Variants in DBX2 observed in about 807,000 individuals in gnomAD.
DBX2 encodes homeobox protein DBX2.
A neutral mutation model predicts 17.7 loss-of-function variants in DBX2; 16 were observed. That is an observed-to-expected ratio of 0.90 (90% CI 0.61 to 1.37). DBX2 has a LOEUF of 1.37. Among genes scored for constraint, DBX2 ranks in the 40% most tolerant of loss-of-function variants. The pLI, the probability that DBX2 is intolerant of heterozygous loss-of-function variation, is 0.00. For missense variants in DBX2, 538 were observed against 433.8 expected (o/e 1.24, Z -2.13); for synonymous variants, 255 against 183.8 (o/e 1.39, Z -3.13).
chr12:45,039,277 GTATATATATA>G (rs58371508), intron 1 of DBX2, among the ~76,000 whole-genome samples: 12,948 of 89,716 alleles, frequency 0.14, 744 homozygotes, highest in Middle Eastern at 0.26. Flanking sequence ...TGCATTGAAG[GTATATATATA>G]TATATATATA....
intron 3 of DBX2, among the ~76,000 whole-genome samples, chr12:45,022,308 T>TTG (rs1376113561): frequency 2.2e-5 from 3 of 138,790 alleles, no homozygotes; most frequent in East Asian, 2.1e-4. Context: ...GTTTTTTTTT[T>TTG]TTTTTTTTTT....
In DBX2 at chr12:45,036,084, G is replaced by A. The variant is rs1051730537; in HGVS notation, c.434C>T (p.Pro145Leu). 3 of 1,613,388 alleles carry A rather than the reference G, an allele frequency of 1.9e-6. No homozygotes were observed. Among genetic ancestry groups the A allele is most frequent in the Non-Finnish European group, 2.5e-6 (3 of 1,179,780 alleles). The stretch of plus-strand genomic sequence containing the variant: ...ACCGCAGCACGCCGAGTAGAATGGC[G>A]GGGTGCTCAGAAGGAAAGGTTTGGA... ...APSKPFLLST[P>L]PFYSACCGGS... Residue 145 changes from proline (P) to leucine (L), a missense_variant, in exon 2 of 4, where the codon CCG (proline) becomes CTG (leucine). Transcript: ENST00000332700.
At chr12:45,047,602 A>G (rs922073700) in intron 1 of DBX2, among the ~76,000 whole-genome samples, 1 of 152,158 alleles carries the variant, frequency 6.6e-6, no homozygotes, top group Non-Finnish European at 1.5e-5. Context: ...TTTAACTGTC[A>G]CCACCTTTCA....
At chr12:45,028,624 C>T (rs1043602373) in intron 2 of DBX2, among the ~76,000 whole-genome samples, 1 of 152,114 alleles carries the variant, frequency 6.6e-6, no homozygotes, top group African/African-American at 2.4e-5. Context: ...ATAAATTATT[C>T]TCACCACTGT....
At chr12:45,028,725 C>T (rs796133719) in intron 2 of DBX2, among the ~76,000 whole-genome samples, 26 of 152,318 alleles carry the variant, frequency 1.7e-4, no homozygotes, top group African/African-American at 5.8e-4. Flanking sequence ...GGGTTAACTA[C>T]TGGGCCTGGT....
chr12:45,026,661 T>C (rs1220778422), intron 2 of DBX2, among the ~76,000 whole-genome samples: 2 of 152,246 alleles, frequency 1.3e-5, no homozygotes, highest in Non-Finnish European at 2.9e-5. Context: ...CTTTTCTATT[T>C]GTCTAAAAGA....
chr12:45,039,800 A>G (rs1478808271), intron 1 of DBX2, among the ~76,000 whole-genome samples: 1 of 152,100 alleles, frequency 6.6e-6, no homozygotes, highest in Non-Finnish European at 1.5e-5. Flanking sequence ...TAGAGATTTC[A>G]TGCACCATGA....
chr12:45,029,403 C>T (rs1322594166), intron 2 of DBX2, among the ~76,000 whole-genome samples: 2 of 152,134 alleles, frequency 1.3e-5, no homozygotes, highest in Admixed American at 6.5e-5. Flanking sequence ...TCGTTGTTTA[C>T]AGGAAAAAAC....
chr12:45,030,592 C>T (rs1176057031), intron 2 of DBX2, among the ~76,000 whole-genome samples: 1 of 152,220 alleles, frequency 6.6e-6, no homozygotes, highest in Non-Finnish European at 1.5e-5. Flanking sequence ...TCTGTTCCAG[C>T]CTTTGCTCGC....
At chr12:45,018,572 A>G (rs1055002995) in intron 3 of DBX2, among the ~76,000 whole-genome samples, 1 of 152,136 alleles carries the variant, frequency 6.6e-6, no homozygotes, top group Non-Finnish European at 1.5e-5. Context: ...CAGAGGATAC[A>G]TGGAAAAGAT....
intron 2 of DBX2, among the ~76,000 whole-genome samples, chr12:45,034,071 G>A (rs1166055336): frequency 6.6e-6 from 1 of 151,506 alleles, no homozygotes; most frequent in African/African-American, 2.4e-5. Flanking sequence ...CCCAAACTTT[G>A]ATGGCTTGAG....
chr12:45,023,572 C>T (rs1042453553), intron 3 of DBX2, 135 bp downstream of exon 3: 16 of 1,062,496 alleles, frequency 1.5e-5, no homozygotes, highest in Non-Finnish European at 2.2e-5. Flanking sequence ...GAAATATTTG[C>T]TAAATAAATG....
At chr12:45,027,888 T>C (rs1401841443) in intron 2 of DBX2, among the ~76,000 whole-genome samples, 3 of 152,182 alleles carry the variant, frequency 2.0e-5, no homozygotes, top group Admixed American at 2.0e-4. Context: ...AAGGTGTTCA[T>C]AGTCGATAAG....
intron 3 of DBX2, among the ~76,000 whole-genome samples, chr12:45,019,473 A>G (rs1946340211): frequency 6.6e-6 from 1 of 152,110 alleles, no homozygotes; most frequent in Admixed American, 6.5e-5. Context: ...AGCTTTTGCA[A>G]AAAGGGACTA....
chr12:45,050,829 G>A lies in DBX2; in HGVS notation c.99C>T (p.Asn33=). ...TCTCGATCAGGAAACTCTTGCCCAG[G>A]TTGCCAAAGCCGGGCGCAGCGGGGA... ...LNLPAAPGFG[N]LGKSFLIENL... The change falls in exon 1 of 4, where the codon AAC becomes AAT. Residue 33 remains asparagine, a synonymous_variant. Coordinates refer to ENST00000332700, the MANE Select transcript of DBX2 (RefSeq NM_001004329.3). The A allele has an allele frequency of 1.3e-6, 2 of 1,540,144 alleles. No individual in the cohort carries two copies. Among genetic ancestry groups the A allele is most frequent in the Non-Finnish European group, 8.7e-7 (1 of 1,146,024 alleles).
chr12:45,020,422 T>C (rs1030058339), intron 3 of DBX2, among the ~76,000 whole-genome samples: 3 of 152,056 alleles, frequency 2.0e-5, no homozygotes, highest in Non-Finnish European at 4.4e-5. Context: ...ATATACCACA[T>C]TTTGTCTACA....
At chr12:45,035,970 T>G (rs772724002) in intron 2 of DBX2, 49 bp downstream of exon 2, 3 of 1,539,966 alleles carry the variant, frequency 1.9e-6, no homozygotes, top group South Asian at 2.4e-5. Flanking sequence ...TCCTGCAGCT[T>G]TGGTTTACAG....
In DBX2 at chr12:45,023,727, A is replaced by C; in HGVS notation, c.667T>G (p.Leu223Val). 6.2e-7 allele frequency: 1 copy of C among 1,614,134 alleles called. No individual in the cohort carries two copies. Among genetic ancestry groups the C allele is most frequent in the Non-Finnish European group, 8.5e-7 (1 of 1,180,006 alleles). The change falls in exon 3 of 4, where the codon TTG becomes GTG. Residue 223 changes from leucine (L) to valine (V), a missense_variant. Coordinates refer to ENST00000332700, the MANE Select transcript of DBX2 (RefSeq NM_001004329.3). Reference protein sequence around the residue: ...KTDRKKLAINLGLKESQVKIW... With the variant: ...KTDRKKLAINVGLKESQVKIW... ...AGTACCTGTGATTCCTTTAGTCCCA[A>C]GTTGATGGCAAGTTTCTTTCGGTCT...
intron 2 of DBX2, among the ~76,000 whole-genome samples, chr12:45,031,221 T>TGAGA (rs775544316): frequency 0.013 from 813 of 63,882 alleles, 5 homozygotes; most frequent in Non-Finnish European, 0.019. Flanking sequence ...TGTGTGTGTG[T>TGAGA]GTGTGAGAGA....
Sources: allele counts gnomAD v4.1 joint callset (sites outside exome capture counted in the v4.1 genomes callset), GRCh38; gene constraint gnomAD v4.1.1; transcripts MANE v1.5; gene names NCBI Gene and HGNC (gene_info 2026-07-23, HGNC 2026-07-21).